The following DOCK9 variants were observed in gnomAD, a reference collection of about 807,000 sequenced individuals.
The protein encoded by DOCK9 is dedicator of cytokinesis 9.
Under a neutral mutation model 263.3 loss-of-function variants are expected in DOCK9, and 89 were observed. The observed-to-expected ratio is 0.34, with a 90% CI of 0.28 to 0.40. The LOEUF (loss-of-function observed/expected upper bound fraction) is 0.40. DOCK9 is among the 10% of genes least tolerant of loss of function. The pLI is 1.00. For missense variants in DOCK9, 2,140 were observed against 2,603.4 expected (o/e 0.82, Z 3.87); for synonymous variants, 976 against 973.1 (o/e 1.00, Z -0.06).
intron 45 of DOCK9, among the ~76,000 whole-genome samples, chr13:98,823,627 T>C (rs1224225786): frequency 6.6e-6 from 1 of 152,158 alleles, no homozygotes; most frequent in Non-Finnish European, 1.5e-5. Flanking sequence ...TGCCCTGGGC[T>C]GAAGGGAGGC....
intron 39 of DOCK9, chr13:98,834,561 TA>T: frequency 6.6e-6 from 1 of 152,192 alleles, no homozygotes; most frequent in Non-Finnish European, 1.5e-5. Context: ...GAAGAGGCAC[TA>T]AAAATGGAAC....
At chr13:98,809,208 T>A in intron 47 of DOCK9, 144 bp downstream of exon 47, 1 of 1,262,968 alleles carries the variant, frequency 7.9e-7, no homozygotes, top group Admixed American at 2.4e-5. Context: ...AGAATCATAC[T>A]AAATATGACA....
At chr13:98,958,216 C>G (rs1307985128) in intron 1 of DOCK9, among the ~76,000 whole-genome samples, 2 of 152,246 alleles carry the variant, frequency 1.3e-5, no homozygotes. Context: ...GGAAGCTGCA[C>G]TGGCATCCCT....
chr13:98,805,039 G>T lies in DOCK9; in HGVS notation c.5685C>A (p.Gly1895=), dbSNP rs776744730. 1.2e-6 allele frequency: 2 copies of T among 1,610,642 alleles called. No homozygotes were observed. The highest frequency in any genetic ancestry group is 2.7e-5 in the African/African-American group (2 of 74,862). Residue 1895 remains glycine, a synonymous_variant, in exon 49 of 53, where the codon GGC becomes GGA. Coordinates refer to ENST00000682017, the MANE Select transcript of DOCK9 (RefSeq NM_001366683.2). The part of the protein sequence containing the change: ...MPFTQTGKRQ[G]GVEEQCKRRT... ...GCCGTTTGCACTGCTCTTCCACCCC[G>T]CCCTGCCTCTTCCCGGTCTGCGTAA...
At chr13:98,924,091 T>G (rs1006052445) in intron 4 of DOCK9, among the ~76,000 whole-genome samples, 17 of 152,180 alleles carry the variant, frequency 1.1e-4, no homozygotes, top group Non-Finnish European at 2.4e-4. Context: ...CTTTCAACCC[T>G]GAGACTATGA....
chr13:98,969,259 T>A (rs9554543), intron 1 of DOCK9, among the ~76,000 whole-genome samples: 81,874 of 152,016 alleles, frequency 0.54, 22,282 homozygotes, highest in East Asian at 0.76. Context: ...AAGTCCAGCA[T>A]GTTCCTCTAC....
intron 1 of DOCK9, among the ~76,000 whole-genome samples, chr13:98,985,025 A>G (rs1878110033): frequency 7.0e-6 from 1 of 143,114 alleles, no homozygotes; most frequent in Admixed American, 7.0e-5. Flanking sequence ...GACAACAAGA[A>G]CATAACAGAA....
intron 34 of DOCK9, among the ~76,000 whole-genome samples, chr13:98,853,841 A>T (rs532677054): frequency 6.6e-5 from 10 of 152,242 alleles, no homozygotes; most frequent in African/African-American, 2.2e-4. Flanking sequence ...GTATATTGAA[A>T]CCTCATGCAA....
chr13:98,979,236 AGCG>A (rs141086822), upstream of DOCK9, among the ~76,000 whole-genome samples: 2,041 of 144,032 alleles, frequency 0.014, 32 homozygotes, highest in Non-Finnish European at 0.021. Flanking sequence ...TAGTAGCAGC[AGCG>A]GCGGCAGCAG....
At chr13:98,954,127 G>A (rs1424558079) in intron 2 of DOCK9, among the ~76,000 whole-genome samples, 1 of 152,090 alleles carries the variant, frequency 6.6e-6, no homozygotes, top group African/African-American at 2.4e-5. Flanking sequence ...CTGTGGGATG[G>A]GATTAGAAGG....
At chr13:98,962,732 A>C (rs1172320756) in intron 1 of DOCK9, among the ~76,000 whole-genome samples, 1 of 152,232 alleles carries the variant, frequency 6.6e-6, no homozygotes, top group Non-Finnish European at 1.5e-5. Context: ...AAAGGAAGAC[A>C]AATAATGACC....
In DOCK9 at chr13:98,883,140, G is replaced by GTTT. The variant is rs1566839478; in HGVS notation, c.2470-10_2470-9insAAA. The GTTT allele has an allele frequency of 6.2e-7, 1 of 1,604,130 alleles. No homozygotes were observed. Among genetic ancestry groups the GTTT allele is most frequent in the African/African-American group, 1.3e-5 (1 of 74,400 alleles). On this transcript the variant is annotated splice_polypyrimidine_tract_variant and intron_variant, in intron 22 of 52. Transcript: ENST00000682017. ...TTATGTAAATGCTGATCCTGAGGTA[G>GTTT]GGAAAAAGGAAAAGAAGAAGAAAGT...
intron 35 of DOCK9, among the ~76,000 whole-genome samples, chr13:98,851,657 T>C (rs1286658649): frequency 3.3e-5 from 5 of 152,202 alleles, no homozygotes; most frequent in African/African-American, 1.2e-4. Flanking sequence ...GCTCATTAAA[T>C]GTGGAATAAA....
chr13:99,083,886 A>AT (rs961754494), intron 1 of DOCK9, among the ~76,000 whole-genome samples: 40 of 152,144 alleles, frequency 2.6e-4, no homozygotes, highest in African/African-American at 9.4e-4. Flanking sequence ...ACATAGTTTA[A>AT]TTTTTTTTAA....
At chr13:98,894,188 T>C (rs1359560947) in intron 15 of DOCK9, among the ~76,000 whole-genome samples, 10 of 152,214 alleles carry the variant, frequency 6.6e-5, no homozygotes, top group Non-Finnish European at 1.5e-4. Flanking sequence ...AGTCTCAAGC[T>C]AACCAGCCTA....
Position 98,921,068 on chromosome 13 carries a change from GA to G in DOCK9, c.602del (p.Phe201SerfsTer3). On this transcript the variant is annotated frameshift_variant, in exon 7 of 53. Transcript: ENST00000682017. LOFTEE classifies it high-confidence loss of function. The part of the protein sequence containing the change: ...VTMRSFKRRF[F>X]HLIQLGDGSY... Reference sequence around the variant, plus strand: ...ATCCATCGCCAAGTTGAATCAGGTGGAAAAATCGTCTCTTAAATGACTGAGA... The same window carrying G: ...ATCCATCGCCAAGTTGAATCAGGTGGAAAATCGTCTCTTAAATGACTGAGA... The G allele has an allele frequency of 6.2e-7, 1 of 1,601,162 alleles. No individual in the cohort carries two copies. Among genetic ancestry groups the G allele is most frequent in the Non-Finnish European group, 8.5e-7 (1 of 1,173,474 alleles).
chr13:98,957,739 T>C (rs2058215679), intron 1 of DOCK9, among the ~76,000 whole-genome samples: 1 of 152,212 alleles, frequency 6.6e-6, no homozygotes, highest in Non-Finnish European at 1.5e-5. Context: ...TAATAACATT[T>C]TCCCTAGGAA....
chr13:99,022,966 G>A (rs797013761), intron 1 of DOCK9, among the ~76,000 whole-genome samples: 5 of 152,208 alleles, frequency 3.3e-5, no homozygotes, highest in African/African-American at 1.2e-4. Context: ...CAATCCATCA[G>A]GTCTTCAAAA....
In DOCK9 at chr13:98,831,635, A is replaced by G. The variant is rs747049885; in HGVS notation, c.4452+14T>C. 2 of 1,611,374 alleles carry G rather than the reference A, an allele frequency of 1.2e-6. No individual in the cohort carries two copies. Among genetic ancestry groups the G allele is most frequent in the East Asian group, 2.2e-5 (1 of 44,862 alleles). On this transcript the variant is annotated intron_variant, in intron 40 of 52. Coordinates refer to ENST00000682017, the MANE Select transcript of DOCK9 (RefSeq NM_001366683.2). ...GAAGGAAAACATCTAACCACTGCCC[A>G]TGAAGCAACTTACCTTATAAATTAA...
Sources: gnomAD v4.1 joint callset for allele counts (sites outside exome capture counted in the v4.1 genomes callset) on GRCh38, gnomAD v4.1.1 for gene constraint, MANE v1.5 for transcripts, NCBI Gene and HGNC (gene_info 2026-07-23, HGNC 2026-07-21) for gene names.